Variants in DRC9 observed in about 807,000 individuals in gnomAD.
DRC9 encodes the protein dynein regulatory complex subunit 9.
At chr3:197,921,735 G>A in the DRC9 span, among the ~76,000 whole-genome samples, 1 of 149,126 alleles carries the variant, frequency 6.7e-6, no homozygotes, top group South Asian at 2.1e-4. Context: ...CATCTTGGTC[G>A]ACCCGACTAC....
the DRC9 span, chr3:197,912,700 T>G: frequency 5.6e-4 from 903 of 1,613,798 alleles, 4 homozygotes; most frequent in African/African-American, 0.01. Flanking sequence ...AAGGAACATT[T>G]CAATCTCTGT....
chr3:197,912,437 A>G, the DRC9 span: 22 of 442,924 alleles, frequency 5.0e-5, no homozygotes, highest in African/African-American at 3.9e-4. Context: ...AGAAATCGAA[A>G]AATTTCTTAT....
chr3:197,940,247 C>T, the DRC9 span, among the ~76,000 whole-genome samples: 24 of 151,572 alleles, frequency 1.6e-4, no homozygotes, highest in South Asian at 4.2e-4. Context: ...CCACCTGCCT[C>T]GGCCTCCCAA....
the DRC9 span, among the ~76,000 whole-genome samples, chr3:197,900,886 G>A: frequency 1.3e-5 from 2 of 152,208 alleles, no homozygotes; most frequent in African/African-American, 4.8e-5. This position sits in a 1 kb window ranked among gnomAD's most constrained non-coding sequence, Gnocchi z 4.7. Context: ...AGTCCTGGCA[G>A]GATTCATCAT....
the DRC9 span, among the ~76,000 whole-genome samples, chr3:197,905,038 T>C: frequency 6.6e-6 from 1 of 152,174 alleles, no homozygotes; most frequent in South Asian, 2.1e-4. Flanking sequence ...TTAAAACAAT[T>C]GAACTCATGG....
the DRC9 span, among the ~76,000 whole-genome samples, chr3:197,904,099 T>TACATAC: frequency 0.057 from 2,964 of 52,382 alleles, 159 homozygotes; most frequent in Non-Finnish European, 0.077. Flanking sequence ...TATATATATA[T>TACATAC]ATATATATAT....
chr3:197,891,690 C>G, the DRC9 span: 1 of 441,282 alleles, frequency 2.3e-6, no homozygotes, highest in African/African-American at 2.0e-5. Context: ...GTAATAGATT[C>G]CTAGATGGTA....
chr3:197,899,268 A>C, the DRC9 span, among the ~76,000 whole-genome samples: 2 of 152,270 alleles, frequency 1.3e-5, no homozygotes, highest in South Asian at 2.1e-4. Flanking sequence ...ATAAAATCAT[A>C]ATAATAATCT....
chr3:197,893,687 CA>C, the DRC9 span, among the ~76,000 whole-genome samples: 2,519 of 124,140 alleles, frequency 0.02, 44 homozygotes, highest in Middle Eastern at 0.079. Context: ...ACTAAAACTA[CA>C]AAAAAAAAAA....
the DRC9 span, chr3:197,938,811 T>A: frequency 4.0e-6 from 6 of 1,501,472 alleles, no homozygotes; most frequent in Non-Finnish European, 5.5e-6. Context: ...TAGAAAGAAT[T>A]TTTTTAAAGA....
At chr3:197,954,045 C>T in the DRC9 span, 4 of 1,613,848 alleles carry the variant, frequency 2.5e-6, no homozygotes, top group Non-Finnish European at 3.4e-6. Flanking sequence ...AAACCAGAGT[C>T]ATCTGGGGAA....
chr3:197,932,967 T>TTA, the DRC9 span, among the ~76,000 whole-genome samples: 22 of 135,412 alleles, frequency 1.6e-4, no homozygotes, highest in African/African-American at 4.8e-4. Flanking sequence ...TTATTATATA[T>TTA]TATATTATAT....
At chr3:197,911,075 T>C in the DRC9 span, among the ~76,000 whole-genome samples, 52 of 151,886 alleles carry the variant, frequency 3.4e-4, no homozygotes, top group Admixed American at 6.6e-4. Flanking sequence ...GTTATTAGTA[T>C]TGAAAATGCT....
At chr3:197,935,640 G>A in the DRC9 span, among the ~76,000 whole-genome samples, 3 of 151,590 alleles carry the variant, frequency 2.0e-5, no homozygotes, top group African/African-American at 4.8e-5. Context: ...ACGCCACCAC[G>A]CCCAGCTAAT....
chr3:197,895,006 A>G, the DRC9 span, among the ~76,000 whole-genome samples: 1 of 152,084 alleles, frequency 6.6e-6, no homozygotes, highest in African/African-American at 2.4e-5. Context: ...GCAGTGAGCT[A>G]TGATTACGCC....
chr3:197,953,134 C>T, the DRC9 span, among the ~76,000 whole-genome samples: 17 of 152,240 alleles, frequency 1.1e-4, no homozygotes, highest in African/African-American at 3.4e-4. Flanking sequence ...ATCCTATTGT[C>T]TTCACCCACT....
the DRC9 span, chr3:197,954,071 A>G: frequency 6.2e-7 from 1 of 1,614,034 alleles, no homozygotes; most frequent in Non-Finnish European, 8.5e-7. Flanking sequence ...ACTCGGGCCC[A>G]TGGAAACAGT....
chr3:197,925,026 C>A, the DRC9 span, among the ~76,000 whole-genome samples: 1 of 152,138 alleles, frequency 6.6e-6, no homozygotes, highest in Admixed American at 6.5e-5. Context: ...CCTCAAAATA[C>A]AATACAAATA....
At chr3:197,955,710 TA>T in the DRC9 span, 1 of 1,524,540 alleles carries the variant, frequency 6.6e-7, no homozygotes, top group Non-Finnish European at 9.1e-7. Context: ...GACGTATATA[TA>T]ACATTCACCT....
Sources: allele counts gnomAD v4.1 joint callset (sites outside exome capture counted in the v4.1 genomes callset), GRCh38; gene constraint gnomAD v4.1.1; non-coding constraint Gnocchi (gnomAD v3.1); transcripts MANE v1.5; gene names NCBI Gene and HGNC (gene_info 2026-07-23, HGNC 2026-07-21).